Variants in EPS15L1 observed in about 807,000 individuals in gnomAD.
The protein encoded by EPS15L1 is epidermal growth factor receptor substrate 15-like 1.
A neutral mutation model predicts 117.1 loss-of-function variants in EPS15L1; 43 were observed. That is an observed-to-expected ratio of 0.37 (90% CI 0.29 to 0.47). The LOEUF (loss-of-function observed/expected upper bound fraction) is 0.47, where lower values mean the gene tolerates loss of function less well. Among genes scored for constraint, EPS15L1 ranks in the 20% least tolerant of loss-of-function variants. EPS15L1 has a pLI of 0.99. For missense variants in EPS15L1, 981 were observed against 1,164.0 expected, an observed-to-expected ratio of 0.84 and a Z score of 2.29; for synonymous variants, 459 against 470.5, an observed-to-expected ratio of 0.98 and a Z score of 0.32.
intron 9 of EPS15L1, among the ~76,000 whole-genome samples, chr19:16,424,418 C>T (rs116246556): frequency 0.012 from 1,778 of 151,304 alleles, 36 homozygotes; most frequent in African/African-American, 0.041. Flanking sequence ...TGGGTTATGA[C>T]GCTGGGTGAC....
chr19:16,434,463 T>C lies in EPS15L1; in HGVS notation c.400A>G (p.Ile134Val). Residue 134 changes from isoleucine to valine, a missense_variant, in exon 7 of 24, where the codon ATT becomes GTT. By Grantham distance (29) the Ile-to-Val change is conservative (BLOSUM62 3). Around this residue, in one of 5 missense-constraint regions of EPS15L1, gnomAD observed 52 missense variants for 53.1 expected, o/e 0.98. Coordinates refer to ENST00000455140, the MANE Select transcript of EPS15L1 (RefSeq NM_001258374.3). ...TTGATGGGCAAGAGGCTTTCAAAAA[T>C]CCCATCAAATTTGGCCTTTTCTTCC... is the stretch of plus-strand genomic sequence containing the variant. Reference protein sequence around the residue: ...RVEEKAKFDGIFESLLPINGL... With the variant: ...RVEEKAKFDGVFESLLPINGL... 1 of 1,613,984 alleles carries C rather than the reference T, an allele frequency of 6.2e-7. No homozygotes were observed. Among genetic ancestry groups the C allele is most frequent in the Non-Finnish European group, 8.5e-7 (1 of 1,179,994 alleles).
At chr19:16,454,595 C>T (rs959544809) in intron 1 of EPS15L1, among the ~76,000 whole-genome samples, 3 of 152,152 alleles carry the variant, frequency 2.0e-5, no homozygotes, top group Admixed American at 2.0e-4. Context: ...CAGCAGAAGA[C>T]GAACATGCTC....
intron 13 of EPS15L1, among the ~76,000 whole-genome samples, chr19:16,406,220 T>A (rs989006042): frequency 3.3e-5 from 5 of 152,098 alleles, no homozygotes; most frequent in African/African-American, 1.2e-4. Context: ...GATAGGCAAA[T>A]CATGCCTCAG....
intron 6 of EPS15L1, chr19:16,434,733 G>GC (rs1006325707): frequency 2.5e-6 from 1 of 399,644 alleles, no homozygotes; most frequent in African/African-American, 2.0e-5. Flanking sequence ...GGAGGCCCTG[G>GC]CCCCGGGTCT....
chr19:16,367,753 C>CAAA (rs60689307), intron 22 of EPS15L1, among the ~76,000 whole-genome samples: 32 of 50,718 alleles, frequency 6.3e-4, no homozygotes, highest in South Asian at 1.2e-3. Flanking sequence ...GGGTGCAAAG[C>CAAA]AAAAAAAAAA....
At chr19:16,400,723 C>T (rs1048426211) in intron 16 of EPS15L1, 2 of 985,280 alleles carry the variant, frequency 2.0e-6, no homozygotes, top group African/African-American at 3.5e-5. Flanking sequence ...TCTTAATCTA[C>T]ATTCCCAAAG....
chr19:16,383,258 G>C lies in EPS15L1; in HGVS notation c.2247+1871C>G, dbSNP rs944502749. The C allele has an allele frequency of 6.6e-6, 1 of 152,210 alleles. No individual in the cohort carries two copies. Among genetic ancestry groups the C allele is most frequent in the African/African-American group, 2.4e-5 (1 of 41,450 alleles). The allele number at this position is 152,210 out of a possible 1,614,324, so 9.4% of individuals were successfully genotyped here. A position where few individuals can be genotyped will look rare whatever the true frequency, so the allele number is the denominator to read the frequency against. On this transcript the variant is annotated intron_variant, in intron 21 of 23. Transcript: ENST00000455140. This position sits in a 1 kb window ranked among gnomAD's most constrained non-coding sequence, Gnocchi z 5.2. ...GAAATCACAGCTGCATGTGTGTGAA[G>C]AGCCCCTGGTTTCAGGGCCCAAGGA... is the stretch of plus-strand genomic sequence containing the variant.
At chr19:16,429,282 C>T (rs1026735635) in intron 7 of EPS15L1, among the ~76,000 whole-genome samples, 6 of 152,200 alleles carry the variant, frequency 3.9e-5, no homozygotes, top group African/African-American at 1.4e-4. Context: ...GGCAGGCAGG[C>T]GTGGGTTCTG....
At chr19:16,400,892 C>T in intron 16 of EPS15L1, 1 of 985,380 alleles carries the variant, frequency 1.0e-6, no homozygotes, top group South Asian at 4.7e-5. Context: ...TAAAAACCTG[C>T]AAAAGGGACA....
chr19:16,373,399 G>C (rs1424001116), intron 22 of EPS15L1, among the ~76,000 whole-genome samples: 3 of 151,918 alleles, frequency 2.0e-5, no homozygotes, highest in Non-Finnish European at 4.4e-5. Flanking sequence ...TAGCAAGAAA[G>C]GCAGAAAGGC....
chr19:16,452,599 A>G (rs187792655), intron 1 of EPS15L1, among the ~76,000 whole-genome samples: 19 of 147,898 alleles, frequency 1.3e-4, no homozygotes, highest in African/African-American at 3.8e-4. Flanking sequence ...TGGCTACTGC[A>G]CTCCGGCCTG....
rs140482815 is a variant in EPS15L1 at position 16,425,761 on chromosome 19, C to T, written c.559-445G>A. ...TGGAGGCTGCAGTGAGCTGTGATCG[C>T]GCCACTGCACTCCAGCCTGGGTGAC... is the stretch of plus-strand genomic sequence containing the variant. On this transcript the variant is annotated intron_variant, in intron 8 of 23. Coordinates refer to ENST00000455140, the MANE Select transcript of EPS15L1 (RefSeq NM_001258374.3). Among the ~76,000 whole-genome samples, 380 of 152,164 alleles carry T rather than the reference C, an allele frequency of 2.5e-3. 2 individuals are homozygous for T. Among genetic ancestry groups the T allele is most frequent in the African/African-American group, 7.2e-3 (300 of 41,512 alleles).
intron 16 of EPS15L1, among the ~76,000 whole-genome samples, chr19:16,398,333 G>A (rs1338502915): frequency 6.6e-6 from 1 of 152,252 alleles, no homozygotes; most frequent in Admixed American, 6.5e-5. Flanking sequence ...CCAAGGTGGG[G>A]AAACCAAGCC....
intron 13 of EPS15L1, among the ~76,000 whole-genome samples, chr19:16,406,955 T>G (rs2092662980): frequency 6.6e-6 from 1 of 152,188 alleles, no homozygotes; most frequent in Non-Finnish European, 1.5e-5. Context: ...CCCTGAGAGC[T>G]GCCTCGATCT....
intron 21 of EPS15L1, among the ~76,000 whole-genome samples, chr19:16,379,967 T>C (rs1599549417): frequency 6.8e-6 from 1 of 148,054 alleles, no homozygotes; most frequent in Admixed American, 6.7e-5. Flanking sequence ...TAGACGCGGC[T>C]GTCTGAGGCT....
intron 17 of EPS15L1, 124 bp downstream of exon 17, chr19:16,395,218 AAG>A: frequency 2.1e-6 from 2 of 942,282 alleles, no homozygotes; most frequent in African/African-American, 1.7e-5. Flanking sequence ...AAAAAAAAAA[AAG>A]GCATTCCTTT....
rs1164275533 is a variant in EPS15L1 at position 16,413,806 on chromosome 19, T to C, written c.1233A>G (p.Glu411=). The change falls in exon 13 of 24, where the codon GAA becomes GAG. Residue 411 remains glutamate (E), a synonymous_variant. Transcript: ENST00000455140. ...YSLEQDIREK[E]EAIRQKTSEV... ...CGCTGGTTTTCTGTCTGATTGCCTC[T>C]TCCTTTTCTCGAATGTCTTGTTCCA... is the stretch of plus-strand genomic sequence containing the variant. The C allele has an allele frequency of 1.9e-6, 3 of 1,613,938 alleles. No homozygotes were observed. Among genetic ancestry groups the C allele is most frequent in the Non-Finnish European group, 2.5e-6 (3 of 1,179,906 alleles).
At chr19:16,401,638 A>C (rs913956963) in intron 16 of EPS15L1, 1 of 985,288 alleles carries the variant, frequency 1.0e-6, no homozygotes, top group African/African-American at 1.7e-5. Context: ...GGGGGATGTG[A>C]CCACCTAAGG....
intron 21 of EPS15L1, chr19:16,384,040 C>G (rs1284407320): frequency 6.6e-6 from 1 of 152,580 alleles, no homozygotes; most frequent in Non-Finnish European, 1.5e-5. Flanking sequence ...ACCGGCCACC[C>G]CTTACCACCT....
Sources: allele counts gnomAD v4.1 joint callset (sites outside exome capture counted in the v4.1 genomes callset), GRCh38; gene constraint gnomAD v4.1.1; regional missense constraint gnomAD v4.1.1; non-coding constraint Gnocchi (gnomAD v3.1); transcripts MANE v1.5; gene names NCBI Gene and HGNC (gene_info 2026-07-23, HGNC 2026-07-21).